The following SLC25A12 variants were observed in gnomAD, a reference collection of about 807,000 sequenced individuals.
SLC25A12 encodes the protein solute carrier family 25 member 12, also known as electrogenic aspartate/glutamate antiporter SLC25A12, mitochondrial.
In SLC25A12, 32 loss-of-function variants were observed where a neutral mutation model predicts 83.3. That is an observed-to-expected ratio of 0.38 (90% CI 0.29 to 0.52). The LOEUF is 0.52. SLC25A12 is among the 20% of genes least tolerant of loss of function. The pLI is 0.84. For missense variants in SLC25A12, 611 were observed against 835.6 expected (o/e 0.73, Z 3.31); for synonymous variants, 267 against 291.1 (o/e 0.92, Z 0.84).
chr2:171,883,851 GTTTGTTTTGTTT>G (rs1300708281), intron 2 of SLC25A12, among the ~76,000 whole-genome samples: 4 of 151,282 alleles, frequency 2.6e-5, no homozygotes, highest in African/African-American at 7.3e-5. Flanking sequence ...GCTTTTTTTT[GTTTGTTTTGTTT>G]TTTGTTTTGT....
chr2:171,805,725 G>A (rs1041938553), intron 13 of SLC25A12, among the ~76,000 whole-genome samples: 1 of 152,212 alleles, frequency 6.6e-6, no homozygotes, highest in Non-Finnish European at 1.5e-5. Flanking sequence ...AACAATAGTA[G>A]TAACGTTTTA....
intron 2 of SLC25A12, among the ~76,000 whole-genome samples, chr2:171,882,356 C>T (rs983822092): frequency 6.6e-6 from 1 of 152,286 alleles, no homozygotes; most frequent in African/African-American, 2.4e-5. Flanking sequence ...AACACTGCCT[C>T]CTTCTAGTAC....
intron 5 of SLC25A12, among the ~76,000 whole-genome samples, chr2:171,839,109 AAG>A (rs1466292462): frequency 6.6e-6 from 1 of 152,240 alleles, no homozygotes; most frequent in Non-Finnish European, 1.5e-5. Context: ...CAGTGAGAGA[AAG>A]AGAGAAAGTA....
chr2:171,785,183 G>T lies in SLC25A12; in HGVS notation c.*91C>A. On this transcript the variant is annotated 3_prime_UTR_variant, in exon 18 of 18. Transcript: ENST00000422440. ...AGAGTTTGACTCCTCAGCTCAGTCAGTACCATGCAGCTGACTGGATACATT... is the reference window on the plus strand; with the variant it reads ...AGAGTTTGACTCCTCAGCTCAGTCATTACCATGCAGCTGACTGGATACATT... 1 of 1,161,414 alleles carries T rather than the reference G, an allele frequency of 8.6e-7. No homozygotes were observed. The highest frequency in any genetic ancestry group is 1.3e-6 in the Non-Finnish European group (1 of 774,812). 71.9% of individuals were successfully genotyped at this position (1,161,414 alleles called of 1,614,324 possible). A position where few individuals can be genotyped will look rare whatever the true frequency, so the allele number is the denominator to read the frequency against.
intron 14 of SLC25A12, among the ~76,000 whole-genome samples, chr2:171,791,909 A>T (rs1416728624): frequency 6.6e-6 from 1 of 152,192 alleles, no homozygotes; most frequent in African/African-American, 2.4e-5. Context: ...CAGAGTTTTT[A>T]AAATTAATTA....
chr2:171,802,602 C>A (rs941199873), intron 13 of SLC25A12, among the ~76,000 whole-genome samples: 1 of 152,014 alleles, frequency 6.6e-6, no homozygotes. Context: ...CGGTGAAACC[C>A]CGTCTCTACT....
intron 4 of SLC25A12, among the ~76,000 whole-genome samples, chr2:171,852,074 G>A (rs1031004145): frequency 6.6e-6 from 1 of 151,864 alleles, no homozygotes; most frequent in Non-Finnish European, 1.5e-5. Flanking sequence ...AATTATCCAC[G>A]GCATGCATTA....
Position 171,871,211 on chromosome 2 carries a change from AAAAC to A in SLC25A12, c.67-2392_67-2389del, listed in dbSNP as rs201958246. ...AGCAAGACCCTGTCCAAAAGAACAAAAAACAAACAAAAAAAGCCACAGAGACTAC... is the reference window on the plus strand; with the variant it reads ...AGCAAGACCCTGTCCAAAAGAACAAAAAACAAAAAAAGCCACAGAGACTAC... On this transcript the variant is annotated intron_variant, in intron 2 of 17. Coordinates refer to ENST00000422440, the MANE Select transcript of SLC25A12 (RefSeq NM_003705.5). 9.9e-5 allele frequency among the ~76,000 whole-genome samples: 15 copies of A among 152,150 alleles called. No individual in the cohort carries two copies. The East Asian group carries it at 2.1e-3, about 22-fold the overall frequency.
intron 13 of SLC25A12, among the ~76,000 whole-genome samples, chr2:171,807,466 T>C (rs1683858029): frequency 1.3e-5 from 2 of 152,136 alleles, no homozygotes; most frequent in Admixed American, 1.3e-4. Context: ...ATGTCAGACA[T>C]GGAAACAGGT....
At chr2:171,820,543 A>C (rs1684165010) in intron 9 of SLC25A12, among the ~76,000 whole-genome samples, 1 of 142,370 alleles carries the variant, frequency 7.0e-6, no homozygotes, top group Non-Finnish European at 1.6e-5. Flanking sequence ...GCCGGCTAAA[A>C]CGGTGAAACC....
At chr2:171,863,035 G>C (rs1409565894) in intron 3 of SLC25A12, among the ~76,000 whole-genome samples, 2 of 152,054 alleles carry the variant, frequency 1.3e-5, no homozygotes, top group Non-Finnish European at 2.9e-5. Flanking sequence ...AAGTAGCTAA[G>C]GCTATAGGCA....
rs67489934 is a variant in SLC25A12, at chr2:171,885,671, C to CAATA, written c.66+7530_66+7533dup. Among the ~76,000 whole-genome samples the CAATA allele has an allele frequency of 2.1e-3, 319 of 149,474 alleles. 2 individuals are homozygous for CAATA. Among genetic ancestry groups the CAATA allele is most frequent in the African/African-American group, 6.2e-3 (251 of 40,486 alleles). On this transcript the variant is annotated intron_variant, in intron 2 of 17. Transcript: ENST00000422440. ...TGGGTAACACAGTAAAACTCTGTCT[C>CAATA]AATAAATAAATAAATAAATAAATAA...
intron 13 of SLC25A12, among the ~76,000 whole-genome samples, chr2:171,796,795 G>C (rs1245784103): frequency 6.6e-6 from 1 of 152,190 alleles, no homozygotes; most frequent in Non-Finnish European, 1.5e-5. Flanking sequence ...GTAATAATTT[G>C]TCTAAAACTC....
chr2:171,833,601 C>G (rs1264927731), intron 8 of SLC25A12, among the ~76,000 whole-genome samples: 2 of 152,164 alleles, frequency 1.3e-5, no homozygotes, highest in Admixed American at 6.5e-5. Context: ...CTATCACAAC[C>G]CTTCTCTTCT....
chr2:171,795,747 G>A (rs1442177974), intron 13 of SLC25A12, among the ~76,000 whole-genome samples: 2 of 152,020 alleles, frequency 1.3e-5, no homozygotes, highest in East Asian at 1.9e-4. Flanking sequence ...ACATCCTGCT[G>A]GGCAGGAGTA....
chr2:171,804,809 G>A (rs528197919), intron 13 of SLC25A12, among the ~76,000 whole-genome samples: 2 of 152,318 alleles, frequency 1.3e-5, no homozygotes, highest in African/African-American at 4.8e-5. Context: ...TCATGAAGCT[G>A]AGGTGGGAGG....
intron 4 of SLC25A12, among the ~76,000 whole-genome samples, chr2:171,849,730 GTAT>G (rs563096005): frequency 9.9e-5 from 15 of 151,906 alleles, no homozygotes; most frequent in Admixed American, 3.9e-4. Context: ...TAATTTTTTT[GTAT>G]TTTTAGTAGA....
intron 5 of SLC25A12, among the ~76,000 whole-genome samples, chr2:171,840,568 A>G (rs1419263688): frequency 6.6e-6 from 1 of 152,100 alleles, no homozygotes; most frequent in Admixed American, 6.5e-5. Context: ...ACAGTATGCT[A>G]TTTTTTAAAA....
chr2:171,811,660 A>G (rs1683948212), intron 11 of SLC25A12, among the ~76,000 whole-genome samples: 1 of 152,028 alleles, frequency 6.6e-6, no homozygotes, highest in Non-Finnish European at 1.5e-5. Context: ...CCCTAATACA[A>G]AAGTCTCTCA....
Sources: allele counts gnomAD v4.1 joint callset (sites outside exome capture counted in the v4.1 genomes callset), GRCh38; gene constraint gnomAD v4.1.1; transcripts MANE v1.5; gene names NCBI Gene and HGNC (gene_info 2026-07-23, HGNC 2026-07-21).